The following NSL1 variants were observed in gnomAD, a reference collection of about 807,000 sequenced individuals.
The protein encoded by NSL1 is kinetochore-associated protein NSL1 homolog.
In NSL1, 11 loss-of-function variants were observed where a neutral mutation model predicts 25.4. The observed-to-expected ratio is 0.43, with a 90% CI of 0.27 to 0.72. The LOEUF is 0.72. Ranked by LOEUF, NSL1 falls within the 30% of genes least tolerant of loss-of-function variation. The pLI, the probability that NSL1 is intolerant of heterozygous loss-of-function variation, is 0.19. For synonymous variants in NSL1, 118 were observed against 120.6 expected, an observed-to-expected ratio of 0.98 and a Z score of 0.14; for missense variants, 330 against 342.7, an observed-to-expected ratio of 0.96 and a Z score of 0.29.
intron 4 of NSL1, among the ~76,000 whole-genome samples, chr1:212,743,545 C>T (rs1210092814): frequency 6.6e-6 from 1 of 151,670 alleles, no homozygotes; most frequent in African/African-American, 2.4e-5. Flanking sequence ...AAATATACTT[C>T]ATGTATATTC....
chr1:212,751,955 T>C (rs1326424804), intron 4 of NSL1, among the ~76,000 whole-genome samples: 2 of 152,200 alleles, frequency 1.3e-5, no homozygotes, highest in African/African-American at 4.8e-5. Context: ...CTGTCTCACA[T>C]GCAGATGGCT....
At chr1:212,745,279 A>G (rs894333351) in intron 4 of NSL1, among the ~76,000 whole-genome samples, 10 of 151,688 alleles carry the variant, frequency 6.6e-5, no homozygotes, top group Non-Finnish European at 1.5e-4. Context: ...CTTAAGAGAT[A>G]ATGGCCAATA....
chr1:212,760,895 C>G lies in NSL1; in HGVS notation c.500-21294G>C, dbSNP rs545472870. Among the ~76,000 whole-genome samples, 6 of 152,214 alleles carry G rather than the reference C, an allele frequency of 3.9e-5. No homozygotes were observed. In the East Asian group the frequency reaches 1.2e-3, roughly 29 times the overall value. ...CCACCAGTGGGGCCCAAGAACAGGC[C>G]TGCCTGGAGTCCCCATCCCAAGTAA... On this transcript the variant is annotated intron_variant, in intron 4 of 5. Coordinates refer to ENST00000366977, the MANE Select transcript of NSL1 (RefSeq NM_015471.4). The surrounding 1 kb of genome is among the most constrained non-coding windows in gnomAD (Gnocchi z 4.3).
chr1:212,781,544 C>A (rs139777035), intron 4 of NSL1, among the ~76,000 whole-genome samples: 41 of 152,232 alleles, frequency 2.7e-4, no homozygotes, highest in African/African-American at 9.6e-4. Context: ...TACTTCCCCC[C>A]CTCTCAGTTT....
chr1:212,728,411 C>T lies in NSL1; in HGVS notation c.*9997G>A. The stretch of plus-strand genomic sequence containing the variant: ...ATGGCCTTTTACCCAATCTGGGACA[C>T]TATTACAGTTGTGGCTTTACTCAAT... On this transcript the variant is annotated 3_prime_UTR_variant, in exon 6 of 6. Transcript: ENST00000366977. 4.1e-6 allele frequency: 4 copies of T among 985,384 alleles called. No homozygotes were observed. Among genetic ancestry groups the T allele is most frequent in the Non-Finnish European group, 4.8e-6 (4 of 829,936 alleles). 61.0% of individuals were successfully genotyped at this position (985,384 alleles called of 1,614,324 possible).
At chr1:212,768,193 G>A (rs895615657) in intron 4 of NSL1, among the ~76,000 whole-genome samples, 11 of 151,922 alleles carry the variant, frequency 7.2e-5, no homozygotes, top group Non-Finnish European at 1.2e-4. Flanking sequence ...GGTGGCACAC[G>A]CCTGTAGTCC....
Position 212,727,049 on chromosome 1 carries a change from G to A in NSL1, c.*11359C>T. ...CCTTGGAGATGACTGCCGAGAGAGG[G>A]AGGGCGGGCTCTGGGTCACCCAGCT... On this transcript the variant is annotated 3_prime_UTR_variant, in exon 6 of 6. Transcript: ENST00000366977. 1 of 1,496,126 alleles carries A rather than the reference G, an allele frequency of 6.7e-7. No individual in the cohort carries two copies. Among genetic ancestry groups the A allele is most frequent in the Non-Finnish European group, 9.0e-7 (1 of 1,112,190 alleles). The allele number at this position is 1,496,126 out of a possible 1,614,324, so 92.7% of individuals were successfully genotyped here.
At chr1:212,779,830 T>TG (rs1197704145) in intron 4 of NSL1, among the ~76,000 whole-genome samples, 4 of 114,408 alleles carry the variant, frequency 3.5e-5, no homozygotes, top group Admixed American at 1.7e-4. Flanking sequence ...GGGAGGGAGG[T>TG]GGGGGGGTCA....
At chr1:212,759,518 C>G (rs1659460781) in intron 4 of NSL1, among the ~76,000 whole-genome samples, 1 of 152,084 alleles carries the variant, frequency 6.6e-6, no homozygotes, top group South Asian at 2.1e-4. Context: ...CCTGCAGGCC[C>G]TAAGACTAGT....
Position 212,733,345 on chromosome 1 carries a change from T to C in NSL1, c.*5063A>G, listed in dbSNP as rs1019776571. 6.6e-6 allele frequency among the ~76,000 whole-genome samples: 1 copy of C among 150,394 alleles called. No homozygotes were observed. The highest frequency in any genetic ancestry group is 1.5e-5 in the Non-Finnish European group (1 of 67,826). On this transcript the variant is annotated 3_prime_UTR_variant, in exon 6 of 6. Transcript: ENST00000366977. ...TACTTGGGAGGCTAAGGTGGGAGGA[T>C]GGCTTGAGTTGCGGGGGCAGAGGTT...
intron 1 of NSL1, among the ~76,000 whole-genome samples, chr1:212,789,672 G>C (rs961368974): frequency 6.6e-6 from 1 of 152,128 alleles, no homozygotes; most frequent in African/African-American, 2.4e-5. Flanking sequence ...TAAAGCTTCT[G>C]CTTTATTTAA....
intron 2 of NSL1, among the ~76,000 whole-genome samples, chr1:212,786,271 A>G (rs1250672852): frequency 6.6e-6 from 1 of 152,072 alleles, no homozygotes. Context: ...TTGTGAAAGT[A>G]CCCTTCTTTT....
chr1:212,782,102 T>G (rs781356379), intron 4 of NSL1: 4 of 670,476 alleles, frequency 6.0e-6, no homozygotes, highest in Middle Eastern at 2.5e-4. Flanking sequence ...GTATTAGAAG[T>G]TAGAGATGGG....
intron 4 of NSL1, among the ~76,000 whole-genome samples, chr1:212,774,681 A>T (rs947390528): frequency 2.6e-4 from 39 of 152,248 alleles, no homozygotes; most frequent in Non-Finnish European, 1.3e-4. Flanking sequence ...AGACAGTAAC[A>T]AGAGTTGGTG....
In NSL1 at chr1:212,737,813, A is replaced by G. The variant is rs144692544; in HGVS notation, c.*595T>C. On this transcript the variant is annotated 3_prime_UTR_variant, in exon 6 of 6. Coordinates refer to ENST00000366977, the MANE Select transcript of NSL1 (RefSeq NM_015471.4). The stretch of plus-strand genomic sequence containing the variant: ...TAATGTTGCACAAATAATAGTTATC[A>G]TTGTCTTACACAACAAAAAATCCTA... 511 of 985,418 alleles carry G rather than the reference A, an allele frequency of 5.2e-4. No homozygotes were observed. The highest frequency in any genetic ancestry group is 6.1e-4 in the Non-Finnish European group (507 of 829,896). 61.0% of individuals were successfully genotyped at this position (985,418 alleles called of 1,614,324 possible). A position where few individuals can be genotyped will look rare whatever the true frequency, so the allele number is the denominator to read the frequency against.
chr1:212,760,453 C>T lies in NSL1; in HGVS notation c.500-20852G>A, dbSNP rs1659509744. Among the ~76,000 whole-genome samples, 3 of 152,108 alleles carry T rather than the reference C, an allele frequency of 2.0e-5. No homozygotes were observed. Among genetic ancestry groups the T allele is most frequent in the African/African-American group, 7.2e-5 (3 of 41,416 alleles). On this transcript the variant is annotated intron_variant, in intron 4 of 5. Transcript: ENST00000366977. This position sits in a 1 kb window ranked among gnomAD's most constrained non-coding sequence, Gnocchi z 4.3. ...ACATACTGCGGGTGCCTGAGCATAC[C>T]GTTTGAGGTCCTGAGGTTCACCCCA...
At chr1:212,781,261 T>C (rs2102400618) in intron 4 of NSL1, among the ~76,000 whole-genome samples, 2 of 152,348 alleles carry the variant, frequency 1.3e-5, no homozygotes, top group South Asian at 4.1e-4. Flanking sequence ...TAAGTGTGTT[T>C]TCCCTACGAT....
intron 4 of NSL1, among the ~76,000 whole-genome samples, chr1:212,751,157 A>G (rs1313058478): frequency 1.3e-5 from 2 of 152,206 alleles, no homozygotes; most frequent in African/African-American, 4.8e-5. Context: ...GCTACTGAGT[A>G]TAGATTATTC....
intron 4 of NSL1, among the ~76,000 whole-genome samples, chr1:212,778,924 G>T (rs1480251221): frequency 6.6e-6 from 1 of 150,450 alleles, no homozygotes; most frequent in Non-Finnish European, 1.5e-5. Flanking sequence ...GAGCGTCTCT[G>T]CCCAGCCGCC....
Sources: allele counts gnomAD v4.1 joint callset (sites outside exome capture counted in the v4.1 genomes callset), GRCh38; gene constraint gnomAD v4.1.1; non-coding constraint Gnocchi (gnomAD v3.1); transcripts MANE v1.5; gene names NCBI Gene and HGNC (gene_info 2026-07-23, HGNC 2026-07-21).